CRADD: variants seen among roughly 807,000 people sequenced by gnomAD.
CRADD encodes death domain-containing protein CRADD.
A neutral mutation model predicts 15.5 loss-of-function variants in CRADD; 9 were observed. The observed-to-expected ratio is 0.58, with a 90% CI of 0.35 to 1.01. The LOEUF is 1.01. Among genes scored for constraint, CRADD ranks in the 50% least tolerant of loss-of-function variants. The pLI, the probability that CRADD is intolerant of heterozygous loss-of-function variation, is 0.02. For missense variants in CRADD, 227 were observed against 250.3 expected, an observed-to-expected ratio of 0.91 and a Z score of 0.63; for synonymous variants, 118 against 107.6, an observed-to-expected ratio of 1.10 and a Z score of -0.60.
chr12:93,700,634 G>C (rs757971652), intron 2 of CRADD, among the ~76,000 whole-genome samples: 7 of 152,120 alleles, frequency 4.6e-5, no homozygotes, highest in Non-Finnish European at 8.8e-5. Flanking sequence ...GTTTCACCTT[G>C]TTAGCCAGGC....
At chr12:93,795,150 G>A (rs144229499) in intron 2 of CRADD, among the ~76,000 whole-genome samples, 2 of 152,264 alleles carry the variant, frequency 1.3e-5, no homozygotes, top group East Asian at 1.9e-4. Context: ...GTCTTGTTCA[G>A]TGCTGTATCC....
intron 2 of CRADD, among the ~76,000 whole-genome samples, chr12:93,750,005 C>A (rs1365834419): frequency 2.0e-5 from 3 of 152,154 alleles, no homozygotes; most frequent in East Asian, 1.9e-4. Flanking sequence ...ATCTCCTGGG[C>A]TTTTGTGAAG....
chr12:93,739,969 G>A (rs1020072737), intron 2 of CRADD, among the ~76,000 whole-genome samples: 1 of 151,796 alleles, frequency 6.6e-6, no homozygotes, highest in Non-Finnish European at 1.5e-5. Context: ...ATTTATTTTG[G>A]AGCACCTAAC....
intron 2 of CRADD, among the ~76,000 whole-genome samples, chr12:93,711,416 TGTAA>T (rs1956072176): frequency 6.6e-6 from 1 of 152,090 alleles, no homozygotes; most frequent in Non-Finnish European, 1.5e-5. Context: ...CTTTTAAAAA[TGTAA>T]GTCAGATCAT....
intron 2 of CRADD, among the ~76,000 whole-genome samples, chr12:93,784,593 C>G (rs1037288798): frequency 4.6e-5 from 7 of 151,904 alleles, no homozygotes; most frequent in Non-Finnish European, 8.8e-5. Flanking sequence ...ACCTTAAAAC[C>G]CTTTGTTCTG....
chr12:93,858,246 G>A (rs1205272029), intron 2 of CRADD, among the ~76,000 whole-genome samples: 1 of 152,182 alleles, frequency 6.6e-6, no homozygotes, highest in Non-Finnish European at 1.5e-5. Context: ...TTTTATTCAG[G>A]CTGTTGCCAT....
chr12:93,861,943 T>C (rs986521271), intron 2 of CRADD, among the ~76,000 whole-genome samples: 1 of 152,204 alleles, frequency 6.6e-6, no homozygotes, highest in African/African-American at 2.4e-5. Flanking sequence ...GATCCCTGAA[T>C]CATGGGGTCG....
intron 2 of CRADD, among the ~76,000 whole-genome samples, chr12:93,862,887 G>A (rs1342391455): frequency 1.3e-5 from 2 of 152,148 alleles, no homozygotes; most frequent in South Asian, 4.1e-4. Context: ...GTGGGTCAAA[G>A]GAGCCAGTAA....
At chr12:93,884,556 T>A (rs1359954935) in intron 2 of CRADD, among the ~76,000 whole-genome samples, 1 of 152,184 alleles carries the variant, frequency 6.6e-6, no homozygotes, top group African/African-American at 2.4e-5. Flanking sequence ...TCACGGAATT[T>A]GCAGCGAGGA....
Position 93,799,456 on chromosome 12 carries a change from C to T in CRADD, c.299-50514C>T, listed in dbSNP as rs74696879. 1.6e-4 allele frequency among the ~76,000 whole-genome samples: 25 copies of T among 152,302 alleles called. No individual in the cohort carries two copies. In the East Asian group the frequency reaches 4.8e-3, roughly 29 times the overall value. ...TGCATAGGGAGTACCCTCTTGTCAC[C>T]TCTCTTCTATTCCCAGGTAGTCATG... is the stretch of plus-strand genomic sequence containing the variant. On this transcript the variant is annotated intron_variant, in intron 2 of 2. Coordinates refer to ENST00000332896, the MANE Select transcript of CRADD (RefSeq NM_003805.5).
intron 2 of CRADD, among the ~76,000 whole-genome samples, chr12:93,888,658 G>A (rs1374086168): frequency 6.6e-6 from 1 of 152,100 alleles, no homozygotes; most frequent in Admixed American, 6.5e-5. Flanking sequence ...GGATGGGGAG[G>A]GCAAGACCAG....
chr12:93,819,363 G>A (rs1479223830), intron 2 of CRADD, among the ~76,000 whole-genome samples: 1 of 152,200 alleles, frequency 6.6e-6, no homozygotes, highest in Non-Finnish European at 1.5e-5. Flanking sequence ...AGGAGCAGGG[G>A]TATTTAATGT....
chr12:93,768,949 A>G (rs1181901199), intron 2 of CRADD, among the ~76,000 whole-genome samples: 2 of 151,948 alleles, frequency 1.3e-5, no homozygotes, highest in Non-Finnish European at 2.9e-5. Context: ...ACTTTACTCA[A>G]TATTTGTTTG....
intron 2 of CRADD, among the ~76,000 whole-genome samples, chr12:93,779,534 AAAG>A (rs1162004267): frequency 6.6e-6 from 1 of 152,088 alleles, no homozygotes; most frequent in African/African-American, 2.4e-5. Flanking sequence ...AGAGAAATAA[AAAG>A]AAAGTTTCTG....
chr12:93,767,441 T>G (rs933357378), intron 2 of CRADD, among the ~76,000 whole-genome samples: 2 of 152,248 alleles, frequency 1.3e-5, no homozygotes, highest in Non-Finnish European at 2.9e-5. Context: ...TATACATTTA[T>G]TCTGTGTCCT....
At chr12:93,873,641 A>G (rs562738394) in intron 2 of CRADD, among the ~76,000 whole-genome samples, 48 of 152,230 alleles carry the variant, frequency 3.2e-4, no homozygotes, top group Admixed American at 9.8e-4. Flanking sequence ...ATTTTATTAT[A>G]TGCTTTTTCA....
At chr12:93,768,178 A>G (rs1434907396) in intron 2 of CRADD, among the ~76,000 whole-genome samples, 2 of 152,346 alleles carry the variant, frequency 1.3e-5, no homozygotes, top group Admixed American at 6.5e-5. Context: ...TGTTGCCACT[A>G]AAATTAGGTT....
downstream of CRADD, chr12:93,850,762 G>A (rs921259540): frequency 9.2e-6 from 9 of 981,478 alleles, no homozygotes; most frequent in South Asian, 1.4e-4. This position sits in a 1 kb window ranked among gnomAD's most constrained non-coding sequence, Gnocchi z 4.0. Flanking sequence ...AGAAAGTACC[G>A]TGTTGGGTTT....
chr12:93,835,725 T>A (rs1957965542), intron 2 of CRADD, among the ~76,000 whole-genome samples: 1 of 152,232 alleles, frequency 6.6e-6, no homozygotes, highest in South Asian at 2.1e-4. Flanking sequence ...GTTTATTCCT[T>A]GGAGATTGTA....
Sources: gnomAD v4.1 joint callset for allele counts (sites outside exome capture counted in the v4.1 genomes callset) on GRCh38, gnomAD v4.1.1 for gene constraint, Gnocchi (gnomAD v3.1) non-coding constraint, MANE v1.5 for transcripts, NCBI Gene and HGNC (gene_info 2026-07-23, HGNC 2026-07-21) for gene names.